LPIN2: variants seen among roughly 807,000 people sequenced by gnomAD.
The protein encoded by LPIN2 is lipin 2.
Under a neutral mutation model 111.4 loss-of-function variants are expected in LPIN2, and 55 were observed. That is an observed-to-expected ratio of 0.49 (90% CI 0.40 to 0.62). LPIN2 has a LOEUF of 0.62. LPIN2 is among the 20% of genes least tolerant of loss of function. The probability of loss-of-function intolerance (pLI) is 0.00; values close to 1 mark genes in which losing one functional copy is unlikely to be tolerated. For missense variants in LPIN2, 992 were observed against 1,112.1 expected, an observed-to-expected ratio of 0.89 and a Z score of 1.54; for synonymous variants, 425 against 414.0, an observed-to-expected ratio of 1.03 and a Z score of -0.32.
intron 1 of LPIN2, among the ~76,000 whole-genome samples, chr18:2,993,821 C>G (rs891494866): frequency 1.3e-5 from 2 of 152,170 alleles, no homozygotes; most frequent in Non-Finnish European, 2.9e-5. Context: ...CCCAACTAAG[C>G]TTTGCAATAT....
chr18:2,946,535 A>T lies in LPIN2; in HGVS notation c.590+4520T>A, dbSNP rs185008274. On this transcript the variant is annotated intron_variant, in intron 4 of 19. Transcript: ENST00000677752. ...GCTCCGGTTGTAGCACAGCAAGGCC[A>T]TTTTTTTTCCCACTGTCACAGGCAA... is the stretch of plus-strand genomic sequence containing the variant. The T allele has an allele frequency of 4.3e-4, 657 of 1,538,886 alleles. 6 individuals carry two copies. The East Asian group carries it at 0.013, about 31-fold the overall frequency.
At chr18:2,963,467 A>G (rs1342428695) in intron 1 of LPIN2, among the ~76,000 whole-genome samples, 1 of 152,006 alleles carries the variant, frequency 6.6e-6, no homozygotes, top group Admixed American at 6.5e-5. Flanking sequence ...CAATGATGTA[A>G]CCCAAATGTT....
chr18:2,931,373 C>A lies in LPIN2; in HGVS notation c.1339G>T (p.Val447Leu), dbSNP rs373758040. ...CCGCTATCTGCAGCTGCGCTTCCCACGGACTGTGGGGACTGGGAGCCAGAG... is the reference window on the plus strand; with the variant it reads ...CCGCTATCTGCAGCTGCGCTTCCCAAGGACTGTGGGGACTGGGAGCCAGAG... Reference protein sequence around the residue: ...TLSGSQSPQSVGSAAADSGTE... With the variant: ...TLSGSQSPQSLGSAAADSGTE... The change falls in exon 9 of 20, where the codon GTG becomes TTG. Residue 447 changes from valine (V) to leucine (L), a missense_variant. Coordinates refer to ENST00000677752, the MANE Select transcript of LPIN2 (RefSeq NM_001375808.2). The A allele has an allele frequency of 5.0e-6, 8 of 1,612,888 alleles. No homozygotes were observed. The highest frequency in any genetic ancestry group is 1.3e-5 in the African/African-American group (1 of 75,046).
chr18:2,988,132 C>CCT (rs763073314), intron 1 of LPIN2, among the ~76,000 whole-genome samples: 4 of 151,724 alleles, frequency 2.6e-5, no homozygotes, highest in Non-Finnish European at 5.9e-5. Context: ...ATCTGGCAAC[C>CCT]CTCCTTTGTT....
intron 1 of LPIN2, among the ~76,000 whole-genome samples, chr18:2,971,562 T>C (rs144651387): frequency 6.2e-4 from 95 of 152,228 alleles, no homozygotes; most frequent in African/African-American, 2.2e-3. Flanking sequence ...TGCCTAGCAA[T>C]AGTAGGTTCT....
Position 2,931,387 on chromosome 18 carries a change from T to A in LPIN2, c.1325A>T (p.Gln442Leu), listed in dbSNP as rs765566027. Residue 442 changes from glutamine (Q) to leucine (L), a missense_variant, in exon 9 of 20, where the codon CAG (glutamine) becomes CTG (leucine). By Grantham distance (113) the Gln-to-Leu change is moderately radical. This residue lies in a region of LPIN2 where 709 missense variants were observed against 753.2 expected (regional missense o/e 0.94). Coordinates refer to ENST00000677752, the MANE Select transcript of LPIN2 (RefSeq NM_001375808.2). Reference protein sequence around the residue: ...WPESDTLSGSQSPQSVGSAAA... With the variant: ...WPESDTLSGSLSPQSVGSAAA... ...TGCGCTTCCCACGGACTGTGGGGAC[T>A]GGGAGCCAGAGAGTGTGTCAGACTC... The A allele has an allele frequency of 1.9e-6, 3 of 1,611,198 alleles. No individual in the cohort carries two copies. Among genetic ancestry groups the A allele is most frequent in the Non-Finnish European group, 2.5e-6 (3 of 1,178,636 alleles).
At chr18:2,953,264 A>G (rs1301314486) in intron 3 of LPIN2, among the ~76,000 whole-genome samples, 1 of 152,236 alleles carries the variant, frequency 6.6e-6, no homozygotes, top group Non-Finnish European at 1.5e-5. Flanking sequence ...GGTTAACATC[A>G]ATAACCCAGT....
In LPIN2 at chr18:2,939,471, C is replaced by T. The variant is rs560904481; in HGVS notation, c.822+9G>A. 1 of 1,613,510 alleles carries T rather than the reference C, an allele frequency of 6.2e-7. No homozygotes were observed. Among genetic ancestry groups the T allele is most frequent in the East Asian group, 2.2e-5 (1 of 44,846 alleles). On this transcript the variant is annotated intron_variant, in intron 6 of 19. Coordinates refer to ENST00000677752, the MANE Select transcript of LPIN2 (RefSeq NM_001375808.2). Reference sequence around the variant, plus strand: ...AACACACTTTCCACAGGCAAGTAAACCCTAGTACCTTGGTGGACTCTGGGA... The same window carrying T: ...AACACACTTTCCACAGGCAAGTAAATCCTAGTACCTTGGTGGACTCTGGGA...
Position 2,960,805 on chromosome 18 carries a change from A to G in LPIN2, c.36T>C (p.Ile12=), listed in dbSNP as rs764971848. The G allele has an allele frequency of 5.0e-6, 8 of 1,614,044 alleles. No individual in the cohort carries two copies. In the African/African-American group the frequency reaches 8.0e-5, roughly 16 times the overall value. The change falls in exon 2 of 20, where the codon ATT becomes ATC. Residue 12 remains isoleucine (I), a synonymous_variant. Coordinates refer to ENST00000677752, the MANE Select transcript of LPIN2 (RefSeq NM_001375808.2). ...CCTTGTAGAGTTCCTTCACAGTGAC[A>G]ATCACCTGCCCAGCCAGCTGTCCCA... ...NYVGQLAGQV[I]VTVKELYKGI... is the part of the protein sequence containing the mutation.
chr18:2,921,063 G>A (rs1266798965), intron 18 of LPIN2, 182 bp from the exon 19 acceptor site: 2 of 650,684 alleles, frequency 3.1e-6, no homozygotes, highest in Admixed American at 2.3e-5. Context: ...GTGGTGCTTG[G>A]AGAGTCAGAA....
chr18:2,939,463 C>A lies in LPIN2; in HGVS notation c.822+17G>T. ...TAATCATTAACACACTTTCCACAGGCAAGTAAACCCTAGTACCTTGGTGGA... is the reference window on the plus strand; with the variant it reads ...TAATCATTAACACACTTTCCACAGGAAAGTAAACCCTAGTACCTTGGTGGA... On this transcript the variant is annotated intron_variant, in intron 6 of 19. Transcript: ENST00000677752. The A allele has an allele frequency of 6.2e-7, 1 of 1,613,142 alleles. No individual in the cohort carries two copies. Among genetic ancestry groups the A allele is most frequent in the Non-Finnish European group, 8.5e-7 (1 of 1,179,340 alleles).
In LPIN2 at chr18:2,951,199, G is replaced by A. The variant is rs147615538; in HGVS notation, c.446C>T (p.Pro149Leu). 735 of 1,614,062 alleles carry A rather than the reference G, an allele frequency of 4.6e-4. 1 individual carries two copies. Among genetic ancestry groups the A allele is most frequent in the Non-Finnish European group, 5.2e-4 (609 of 1,180,000 alleles). Residue 149 changes from proline (P) to leucine (L), a missense_variant, in exon 4 of 20, where the codon CCA becomes CTA. Around this residue, in one of 4 missense-constraint regions of LPIN2, gnomAD observed 709 missense variants for 753.2 expected, o/e 0.94. Transcript: ENST00000677752. The part of the protein sequence containing the change: ...HVLETETIFT[P>L]SSVKKKKRRR... ...TCGTTTTTTCTTTTTCACAGAACTT[G>A]GAGTAAAAATTGTCTCTGTTTCCAA...
intron 18 of LPIN2, 162 bp from the exon 19 acceptor site, chr18:2,921,043 A>C (rs1488701573): frequency 2.0e-5 from 14 of 687,586 alleles, no homozygotes; most frequent in Non-Finnish European, 3.2e-5. Flanking sequence ...AGACAAACCT[A>C]AACTACAGAG....
intron 4 of LPIN2, among the ~76,000 whole-genome samples, chr18:2,941,119 G>A (rs1320636711): frequency 6.6e-6 from 1 of 152,228 alleles, no homozygotes; most frequent in East Asian, 1.9e-4. Flanking sequence ...ATAGGAAGTA[G>A]TTGGATTCAA....
chr18:2,922,084 T>A lies in LPIN2; in HGVS notation c.2290A>T (p.Met764Leu). Reference protein sequence around the residue: ...KGTILPRGPLMLSPSSLFSAF... With the variant: ...KGTILPRGPLLLSPSSLFSAF... ...GAGAACAAGCTGCTGGGGGACAGCA[T>A]CAGGGGGCCCCGGGGCAAGATTGTG... Residue 764 changes from methionine (M) to leucine (L), a missense_variant, in exon 17 of 20, where the codon ATG becomes TTG. By Grantham distance (15) the Met-to-Leu change is conservative. This residue lies in a region of LPIN2 where 185 missense variants were observed against 186.5 expected (regional missense o/e 0.99). Transcript: ENST00000677752. The A allele has an allele frequency of 6.2e-7, 1 of 1,613,802 alleles. No homozygotes were observed. The highest frequency in any genetic ancestry group is 8.5e-7 in the Non-Finnish European group (1 of 1,179,950).
intron 4 of LPIN2, chr18:2,946,192 T>C: frequency 6.2e-7 from 1 of 1,609,286 alleles, no homozygotes; most frequent in Non-Finnish European, 8.5e-7. Flanking sequence ...ATTCCAAATT[T>C]GTCATTGGTT....
At chr18:2,923,010 T>C (rs1353705935) in intron 16 of LPIN2, among the ~76,000 whole-genome samples, 1 of 152,184 alleles carries the variant, frequency 6.6e-6, no homozygotes, top group Admixed American at 6.5e-5. Flanking sequence ...AATATATGTA[T>C]TAGGAACCCA....
chr18:2,959,056 G>A (rs758390521), intron 2 of LPIN2, among the ~76,000 whole-genome samples: 1 of 152,114 alleles, frequency 6.6e-6, no homozygotes, highest in Non-Finnish European at 1.5e-5. Context: ...TACTATTGGT[G>A]TTACCACAAA....
chr18:2,962,502 T>C (rs1399418906), intron 1 of LPIN2, among the ~76,000 whole-genome samples: 1 of 151,850 alleles, frequency 6.6e-6, no homozygotes, highest in Non-Finnish European at 1.5e-5. Flanking sequence ...GAACTAGTAA[T>C]AAATGAGACT....
Sources: allele counts gnomAD v4.1 joint callset (sites outside exome capture counted in the v4.1 genomes callset), GRCh38; gene constraint gnomAD v4.1.1; regional missense constraint gnomAD v4.1.1; transcripts MANE v1.5; gene names NCBI Gene and HGNC (gene_info 2026-07-23, HGNC 2026-07-21).